The following NFKB1 variants were observed in gnomAD, a reference collection of about 807,000 sequenced individuals.
NFKB1 encodes nuclear factor kappa B subunit 1.
NFKB1 carries 9 observed loss-of-function variants against 105.1 expected under a neutral mutation model. The observed-to-expected ratio is 0.09, with a 90% CI of 0.05 to 0.15. The LOEUF (loss-of-function observed/expected upper bound fraction) is 0.15, where lower values mean the gene tolerates loss of function less well. Among genes scored for constraint, NFKB1 ranks in the 10% least tolerant of loss-of-function variants. The pLI is 1.00. For missense variants in NFKB1, 830 were observed against 1,203.7 expected, an observed-to-expected ratio of 0.69 and a Z score of 4.59; for synonymous variants, 440 against 442.2, an observed-to-expected ratio of 1.00 and a Z score of 0.06.
At position 102,607,229 on chromosome 4, in the gene NFKB1, C is replaced by T; in HGVS notation, c.2034C>T (p.Val678=). The change falls in exon 18 of 24, where the codon GTC becomes GTT. Residue 678 remains valine (V), a synonymous_variant. Coordinates refer to ENST00000226574, the MANE Select transcript of NFKB1 (RefSeq NM_003998.4). ...LLLLVAAGAD[V]NAQEQKSGRT... is the part of the protein sequence containing the mutation. ...TGCTGGTGGCCGCTGGGGCTGACGT[C>T]AATGCTCAGGAGCAGAAGTCCGGGC... is the stretch of plus-strand genomic sequence containing the variant. 3 of 1,614,188 alleles carry T rather than the reference C, an allele frequency of 1.9e-6. No homozygotes were observed. The highest frequency in any genetic ancestry group is 2.5e-6 in the Non-Finnish European group (3 of 1,180,034).
At position 102,501,771 on chromosome 4, in the gene NFKB1, C is replaced by G. The variant is rs925592376; in HGVS notation, c.-25C>G. The G allele has an allele frequency of 6.6e-6, 1 of 152,278 alleles. No homozygotes were observed. The highest frequency in any genetic ancestry group is 1.5e-5 in the Non-Finnish European group (1 of 68,098). 9.4% of individuals were successfully genotyped at this position (152,278 alleles called of 1,614,324 possible). A position where few individuals can be genotyped will look rare whatever the true frequency, so the allele number is the denominator to read the frequency against. Reference sequence around the variant, plus strand: ...AGCCCACCCGCGCCAGGAGGCCGAACGCGGACTCGCCACCCGGGTAAGCCA... The same window carrying G: ...AGCCCACCCGCGCCAGGAGGCCGAAGGCGGACTCGCCACCCGGGTAAGCCA... On this transcript the variant is annotated 5_prime_UTR_variant, in exon 1 of 24. Transcript: ENST00000226574.
At chr4:102,507,183 G>A (rs909825750) in intron 1 of NFKB1, among the ~76,000 whole-genome samples, 7 of 151,774 alleles carry the variant, frequency 4.6e-5, no homozygotes, top group African/African-American at 1.4e-4. Context: ...GATTAATAGC[G>A]GCAGTGTTTG....
chr4:102,541,453 T>C (rs1028969199), intron 5 of NFKB1, among the ~76,000 whole-genome samples: 3 of 152,224 alleles, frequency 2.0e-5, no homozygotes, highest in African/African-American at 7.2e-5. Flanking sequence ...TGTACCTGGA[T>C]ACTAAGGAGA....
At chr4:102,533,405 A>C (rs974014485) in intron 3 of NFKB1, among the ~76,000 whole-genome samples, 3 of 152,180 alleles carry the variant, frequency 2.0e-5, no homozygotes, top group African/African-American at 7.2e-5. Context: ...CATTAAGCAC[A>C]CTCTCTTTGA....
Position 102,610,710 on chromosome 4 carries a change from C to T in NFKB1, c.2352+11C>T, listed in dbSNP as rs371477507. 1.2e-6 allele frequency: 2 copies of T among 1,613,112 alleles called. No homozygotes were observed. Among genetic ancestry groups the T allele is most frequent in the Non-Finnish European group, 1.7e-6 (2 of 1,179,410 alleles). ...GCCACCAGCTGGCAGGTGAGTGCCG[C>T]TCCATCTGTCTGATGGCTGCCCCTG... On this transcript the variant is annotated intron_variant, in intron 20 of 23. Transcript: ENST00000226574.
At chr4:102,613,268 G>A (rs4648116) in intron 22 of NFKB1, among the ~76,000 whole-genome samples, 157 bp from the exon 23 acceptor site, 3,413 of 152,210 alleles carry the variant, frequency 0.022, 62 homozygotes, top group African/African-American at 0.056. Context: ...TTCGAAGACT[G>A]TATTTTCTTA....
chr4:102,567,821 T>TA (rs1421801567), intron 6 of NFKB1, among the ~76,000 whole-genome samples: 2 of 152,206 alleles, frequency 1.3e-5, no homozygotes, highest in South Asian at 2.1e-4. Flanking sequence ...TTTATTGTGC[T>TA]AAAAAACTTG....
chr4:102,515,051 A>T (rs957019464), intron 1 of NFKB1, among the ~76,000 whole-genome samples: 1 of 149,970 alleles, frequency 6.7e-6, no homozygotes, highest in Non-Finnish European at 1.5e-5. Context: ...CAGTCTGATC[A>T]TCTCTGTCTT....
At chr4:102,509,483 T>A (rs1489637938) in intron 1 of NFKB1, among the ~76,000 whole-genome samples, 1 of 152,214 alleles carries the variant, frequency 6.6e-6, no homozygotes, top group Non-Finnish European at 1.5e-5. Context: ...GGAGTAATTG[T>A]GCTATATTTA....
At chr4:102,574,215 T>C (rs1724625426) in intron 6 of NFKB1, among the ~76,000 whole-genome samples, 1 of 152,048 alleles carries the variant, frequency 6.6e-6, no homozygotes, top group South Asian at 2.1e-4. Context: ...TTTTTGATTC[T>C]TTCTAAACTT....
chr4:102,603,320 C>A (rs1448819215), intron 16 of NFKB1, among the ~76,000 whole-genome samples: 1 of 152,124 alleles, frequency 6.6e-6, no homozygotes. Context: ...ATCTGCCAGC[C>A]TCGGCCTCCC....
chr4:102,575,688 A>G (rs1250607768), intron 6 of NFKB1, among the ~76,000 whole-genome samples: 1 of 152,236 alleles, frequency 6.6e-6, no homozygotes, highest in South Asian at 2.1e-4. Context: ...GTTTTTGCTC[A>G]GTTGTCATCT....
intron 11 of NFKB1, among the ~76,000 whole-genome samples, chr4:102,585,201 T>TCTGAGA (rs1253550352): frequency 6.6e-6 from 1 of 152,170 alleles, no homozygotes; most frequent in East Asian, 1.9e-4. Context: ...TTGTGCTTGT[T>TCTGAGA]CTGAGAAGAG....
At chr4:102,511,817 G>C (rs17032705) in intron 1 of NFKB1, among the ~76,000 whole-genome samples, 1 of 152,050 alleles carries the variant, frequency 6.6e-6, no homozygotes, top group East Asian at 1.9e-4. Context: ...GTTTAACCTA[G>C]TGGGTGGTCA....
intron 5 of NFKB1, among the ~76,000 whole-genome samples, chr4:102,548,654 G>A (rs921619122): frequency 4.6e-5 from 7 of 152,064 alleles, no homozygotes; most frequent in African/African-American, 7.2e-5. Flanking sequence ...CATGGTCTTC[G>A]CAGGGCCGTG....
At chr4:102,605,459 A>G (rs1727628879) in intron 16 of NFKB1, among the ~76,000 whole-genome samples, 1 of 152,224 alleles carries the variant, frequency 6.6e-6, no homozygotes, top group Admixed American at 6.5e-5. Flanking sequence ...TTTTAGGCAA[A>G]TTGTCACAAG....
At chr4:102,516,726 A>G (rs1380238674) in intron 1 of NFKB1, among the ~76,000 whole-genome samples, 1 of 150,732 alleles carries the variant, frequency 6.6e-6, no homozygotes, top group Non-Finnish European at 1.5e-5. Flanking sequence ...TTATTTTCCT[A>G]TTTCTTTGCA....
At position 102,617,139 on chromosome 4, in the gene NFKB1, T is replaced by C. The variant is rs1334541656; in HGVS notation, c.*545T>C. The C allele has an allele frequency of 6.9e-6, 1 of 145,304 alleles. No individual in the cohort carries two copies. Among genetic ancestry groups the C allele is most frequent in the Non-Finnish European group, 1.5e-5 (1 of 66,360 alleles). 9.0% of individuals were successfully genotyped at this position (145,304 alleles called of 1,614,324 possible). A position where few individuals can be genotyped will look rare whatever the true frequency, so the allele number is the denominator to read the frequency against. ...AAAAATACTTGTCAATATTTAAACATGGTTACAATCATTGCTGAAAATGGT... is the reference window on the plus strand; with the variant it reads ...AAAAATACTTGTCAATATTTAAACACGGTTACAATCATTGCTGAAAATGGT... On this transcript the variant is annotated 3_prime_UTR_variant, in exon 24 of 24. Transcript: ENST00000226574.
In NFKB1 at chr4:102,613,529, C is replaced by G. The variant is rs1321833475; in HGVS notation, c.2697C>G (p.Thr899=). 1 of 1,613,830 alleles carries G rather than the reference C, an allele frequency of 6.2e-7. No individual in the cohort carries two copies. The highest frequency in any genetic ancestry group is 8.5e-7 in the Non-Finnish European group (1 of 1,179,950). Residue 899 remains threonine (T), a synonymous_variant, in exon 23 of 24, where the codon ACC becomes ACG. Transcript: ENST00000226574. ...CAGCCTCCAGCCCAGTGAAGACCACCTCTCAGGCCCACTCGCTGCCTCTCT... is the reference window on the plus strand; with the variant it reads ...CAGCCTCCAGCCCAGTGAAGACCACGTCTCAGGCCCACTCGCTGCCTCTCT... The part of the protein sequence containing the change: ...IQAASSPVKT[T]SQAHSLPLSP...
Sources: gnomAD v4.1 joint callset for allele counts (sites outside exome capture counted in the v4.1 genomes callset) on GRCh38, gnomAD v4.1.1 for gene constraint, MANE v1.5 for transcripts, NCBI Gene and HGNC (gene_info 2026-07-23, HGNC 2026-07-21) for gene names.